Variants in RBFOX1 observed in about 807,000 individuals in gnomAD.
The protein encoded by RBFOX1 is RNA binding protein fox-1 homolog 1.
RBFOX1 carries 8 observed loss-of-function variants against 57.7 expected under a neutral mutation model. The observed-to-expected ratio is 0.14, with a 90% CI of 0.08 to 0.25. RBFOX1 has a LOEUF of 0.25. Among genes scored for constraint, RBFOX1 ranks in the 10% least tolerant of loss-of-function variants. The probability of loss-of-function intolerance (pLI) is 1.00; values close to 1 mark genes in which losing one functional copy is unlikely to be tolerated. For synonymous variants in RBFOX1, 326 were observed against 222.4 expected (o/e 1.47, Z -4.15); for missense variants, 611 against 548.5 (o/e 1.11, Z -1.14).
intron 3 of RBFOX1, among the ~76,000 whole-genome samples, chr16:6,738,476 T>G (rs752452748): frequency 6.6e-6 from 1 of 152,146 alleles, no homozygotes; most frequent in Non-Finnish European, 1.5e-5. Context: ...AAAAGAGCTG[T>G]AAAATCTGTG....
rs368496311 is a variant in RBFOX1, at chr16:6,286,215, T to A, written c.-126-30780T>A. On this transcript the variant is annotated intron_variant, in intron 1 of 15. Coordinates refer to ENST00000550418, the MANE Select transcript of RBFOX1 (RefSeq NM_018723.4). The stretch of plus-strand genomic sequence containing the variant: ...CATGGCGTCCATTTTTAACCCCCCA[T>A]CCCTGGTTTCTTCTCTTCTCCAAAG... 3.3e-5 allele frequency among the ~76,000 whole-genome samples: 5 copies of A among 152,140 alleles called. No homozygotes were observed. The East Asian group carries it at 7.7e-4, about 23-fold the overall frequency.
chr16:6,728,545 C>G (rs973650990), intron 3 of RBFOX1, among the ~76,000 whole-genome samples: 1 of 152,136 alleles, frequency 6.6e-6, no homozygotes, highest in Non-Finnish European at 1.5e-5. Context: ...ATGTAGCAAA[C>G]AGCTCATTAT....
At chr16:6,450,765 GTGTATATATA>G (rs1236923946) in intron 2 of RBFOX1, among the ~76,000 whole-genome samples, 683 of 19,214 alleles carry the variant, frequency 0.036, 64 homozygotes, top group African/African-American at 0.12. Context: ...ATATATATAT[GTGTATATATA>G]TATATATATA....
chr16:6,231,477 T>C (rs1429307736), intron 1 of RBFOX1, among the ~76,000 whole-genome samples: 1 of 152,182 alleles, frequency 6.6e-6, no homozygotes, highest in Non-Finnish European at 1.5e-5. Context: ...GGAGATATAA[T>C]TGAGGAGCAC....
intron 11 of RBFOX1, among the ~76,000 whole-genome samples, chr16:7,631,421 T>C (rs2060936783): frequency 6.6e-6 from 1 of 152,172 alleles, no homozygotes; most frequent in Non-Finnish European, 1.5e-5. Context: ...TGCCCTATCC[T>C]CACCCCAATT....
chr16:5,782,179 C>G (rs995944308), intron 3 of RBFOX1, among the ~76,000 whole-genome samples: 11 of 152,364 alleles, frequency 7.2e-5, no homozygotes, highest in African/African-American at 2.4e-4. Context: ...CCACTGTACA[C>G]CAGCCTGAGT....
chr16:6,015,913 T>A (rs2094990849), upstream of RBFOX1, among the ~76,000 whole-genome samples: 1 of 152,236 alleles, frequency 6.6e-6, no homozygotes, highest in Non-Finnish European at 1.5e-5. Flanking sequence ...GAGTCTAGTT[T>A]ATATACTAAA....
At chr16:6,805,955 C>G (rs1462557406) in intron 3 of RBFOX1, among the ~76,000 whole-genome samples, 4 of 152,106 alleles carry the variant, frequency 2.6e-5, no homozygotes, top group Non-Finnish European at 4.4e-5. Context: ...TTCCAAAAGC[C>G]AAGCTGGAAA....
At chr16:5,763,375 G>A (rs973827834) in intron 3 of RBFOX1, among the ~76,000 whole-genome samples, 3 of 152,206 alleles carry the variant, frequency 2.0e-5, no homozygotes, top group Non-Finnish European at 4.4e-5. Flanking sequence ...CTCGCTCCCA[G>A]CTACAGCGAT....
At chr16:5,770,481 C>T (rs978956010) in intron 3 of RBFOX1, among the ~76,000 whole-genome samples, 3 of 152,138 alleles carry the variant, frequency 2.0e-5, no homozygotes, top group Admixed American at 6.5e-5. Context: ...CATGAATAAC[C>T]CACCCCTTGT....
At chr16:6,909,860 C>G (rs568918266) in intron 3 of RBFOX1, among the ~76,000 whole-genome samples, 7 of 152,070 alleles carry the variant, frequency 4.6e-5, no homozygotes, top group African/African-American at 1.7e-4. Flanking sequence ...GGACCACCCT[C>G]GTGTGACTGA....
At chr16:6,848,522 T>G (rs919420312) in intron 3 of RBFOX1, among the ~76,000 whole-genome samples, 1 of 151,660 alleles carries the variant, frequency 6.6e-6, no homozygotes, top group Non-Finnish European at 1.5e-5. Flanking sequence ...TGGTCAAATC[T>G]AAATAGCTAG....
chr16:6,926,608 G>C (rs2075632040), intron 3 of RBFOX1, among the ~76,000 whole-genome samples: 1 of 152,200 alleles, frequency 6.6e-6, no homozygotes, highest in African/African-American at 2.4e-5. Flanking sequence ...TGCTGGGGCT[G>C]TCTCCTCCCT....
At chr16:5,797,994 C>G (rs542085423) in intron 3 of RBFOX1, among the ~76,000 whole-genome samples, 1 of 152,288 alleles carries the variant, frequency 6.6e-6, no homozygotes, top group East Asian at 1.9e-4. Context: ...TTTGTATGCA[C>G]CTACTGTGTG....
At chr16:6,671,356 A>T (rs2098763751) in intron 3 of RBFOX1, among the ~76,000 whole-genome samples, 1 of 152,214 alleles carries the variant, frequency 6.6e-6, no homozygotes, top group Non-Finnish European at 1.5e-5. Flanking sequence ...AATGTTTAAT[A>T]AAAACACATC....
chr16:6,814,295 T>C (rs1322033737), intron 3 of RBFOX1, among the ~76,000 whole-genome samples: 2 of 152,166 alleles, frequency 1.3e-5, no homozygotes, highest in Non-Finnish European at 2.9e-5. Flanking sequence ...TGTCCTTTTC[T>C]GATCTTCAAA....
At chr16:5,483,099 G>C (rs4530139) in intron 2 of RBFOX1, among the ~76,000 whole-genome samples, 53,683 of 151,906 alleles carry the variant, frequency 0.35, 10,531 homozygotes, top group South Asian at 0.55. Flanking sequence ...CCTGAGTAGG[G>C]GAGTCCTAAA....
chr16:6,978,642 C>A (rs562006561), intron 3 of RBFOX1, among the ~76,000 whole-genome samples: 1 of 152,032 alleles, frequency 6.6e-6, no homozygotes, highest in African/African-American at 2.4e-5. Flanking sequence ...TTTTAATGTC[C>A]TCATGATGAT....
At chr16:5,499,111 C>G (rs1257823811) in intron 2 of RBFOX1, among the ~76,000 whole-genome samples, 1 of 152,194 alleles carries the variant, frequency 6.6e-6, no homozygotes, top group Non-Finnish European at 1.5e-5. Context: ...TTCCATTTCT[C>G]CATTTCCCTC....
Sources: allele counts gnomAD v4.1 joint callset (sites outside exome capture counted in the v4.1 genomes callset), GRCh38; gene constraint gnomAD v4.1.1; transcripts MANE v1.5; gene names NCBI Gene and HGNC (gene_info 2026-07-23, HGNC 2026-07-21).